The following EYS variants were observed in gnomAD, a reference collection of about 807,000 sequenced individuals.
EYS encodes EGF-like photoreceptor maintenance factor, also known as protein eyes shut homolog.
In EYS, 250 loss-of-function variants were observed where a neutral mutation model predicts 282.1. The ratio of observed to expected loss-of-function variants is 0.89; its 90% CI spans 0.80 to 0.98. The LOEUF is 0.98. Ranked by LOEUF, EYS falls within the 50% of genes least tolerant of loss-of-function variation. The pLI is 0.00. For synonymous variants in EYS, 1,355 were observed against 1,282.9 expected (o/e 1.06, Z -1.20); for missense variants, 4,016 against 3,709.0 (o/e 1.08, Z -2.15).
chr6:65,125,916 C>T (rs182249908), intron 12 of EYS, among the ~76,000 whole-genome samples: 2 of 152,242 alleles, frequency 1.3e-5, no homozygotes, highest in African/African-American at 4.8e-5. Context: ...GTGGCTTTAT[C>T]AGTCTCTACA....
chr6:65,674,636 T>A (rs138011920), intron 1 of EYS, among the ~76,000 whole-genome samples: 3 of 151,962 alleles, frequency 2.0e-5, no homozygotes, highest in Admixed American at 2.0e-4. Flanking sequence ...ATGGAACAAA[T>A]CTGTCCTTCA....
At chr6:65,560,773 G>A (rs1769023425) in intron 2 of EYS, among the ~76,000 whole-genome samples, 1 of 151,962 alleles carries the variant, frequency 6.6e-6, no homozygotes, top group Non-Finnish European at 1.5e-5. Flanking sequence ...ACATTAAAGA[G>A]TATAAAGTGA....
At chr6:64,954,306 A>C (rs564906181) in intron 14 of EYS, among the ~76,000 whole-genome samples, 11 of 152,068 alleles carry the variant, frequency 7.2e-5, no homozygotes, top group Non-Finnish European at 1.5e-4. Context: ...TAGAATAAAG[A>C]AGTTTAGACT....
chr6:65,571,525 T>A (rs142381798), intron 2 of EYS, among the ~76,000 whole-genome samples: 224 of 152,098 alleles, frequency 1.5e-3, no homozygotes, highest in African/African-American at 5.1e-3. Context: ...TTCTATTATA[T>A]CTGCTGTTTC....
Position 64,686,825 on chromosome 6 carries a change from A to ATATATATATACGTGTATATATATATGTG in EYS, c.3444-60581_3444-60580insCACATATATATATACACGTATATATATA, listed in dbSNP as rs1770142029. ...TATATGTGTGTATATATATATGTGT[A>ATATATATATACGTGTATATATATATGTG]TATATATATATACGTGTATATATAT... is the stretch of plus-strand genomic sequence containing the variant. On this transcript the variant is annotated intron_variant, in intron 22 of 42. Coordinates refer to ENST00000503581, the MANE Select transcript of EYS (RefSeq NM_001142800.2). Among the ~76,000 whole-genome samples the ATATATATATACGTGTATATATATATGTG allele has an allele frequency of 2.8e-4, 5 of 17,694 alleles. 1 individual carries two copies. The highest frequency in any genetic ancestry group is 2.3e-3 in the South Asian group (1 of 428). The allele number at this position is 17,694 out of a possible 152,430, so 11.6% of individuals were successfully genotyped here. A position where few individuals can be genotyped will look rare whatever the true frequency, so the allele number is the denominator to read the frequency against.
intron 12 of EYS, among the ~76,000 whole-genome samples, chr6:65,157,151 T>C (rs1764748339): frequency 6.6e-6 from 1 of 150,992 alleles, no homozygotes; most frequent in Non-Finnish European, 1.5e-5. Context: ...TAGCACCTAT[T>C]CTATTGAAAT....
At chr6:64,674,490 C>T (rs1283237493) in intron 22 of EYS, among the ~76,000 whole-genome samples, 2 of 151,906 alleles carry the variant, frequency 1.3e-5, no homozygotes, top group African/African-American at 4.8e-5. Context: ...CAGCTGGCAA[C>T]CCTAAGAGGC....
intron 30 of EYS, among the ~76,000 whole-genome samples, chr6:64,256,913 C>T (rs940176935): frequency 1.3e-5 from 2 of 152,086 alleles, no homozygotes; most frequent in African/African-American, 4.8e-5. Flanking sequence ...TATCTCTCCA[C>T]TGGTAATTCC....
At chr6:64,534,060 T>C (rs969801738) in intron 26 of EYS, among the ~76,000 whole-genome samples, 3 of 151,840 alleles carry the variant, frequency 2.0e-5, no homozygotes, top group Non-Finnish European at 4.4e-5. Context: ...TTTGCTATAA[T>C]GGGAATATTT....
intron 22 of EYS, among the ~76,000 whole-genome samples, chr6:64,724,756 TA>T (rs966590814): frequency 6.6e-6 from 1 of 152,188 alleles, no homozygotes; most frequent in Admixed American, 6.6e-5. Flanking sequence ...TAATAAAGGT[TA>T]AAAAATAGCA....
intron 26 of EYS, among the ~76,000 whole-genome samples, chr6:64,474,277 C>G (rs1776202652): frequency 6.6e-6 from 1 of 152,084 alleles, no homozygotes. Flanking sequence ...CTAAGGCTAG[C>G]ATAAATCTTC....
At chr6:63,933,826 G>T (rs1451882166) in intron 35 of EYS, among the ~76,000 whole-genome samples, 5 of 152,160 alleles carry the variant, frequency 3.3e-5, no homozygotes, top group African/African-American at 1.2e-4. Flanking sequence ...ATATATGAAG[G>T]TTTGAGAGAG....
At chr6:65,506,120 C>T (rs540101760) in intron 2 of EYS, among the ~76,000 whole-genome samples, 2 of 152,038 alleles carry the variant, frequency 1.3e-5, no homozygotes, top group Admixed American at 6.6e-5. Context: ...CCCTGAAGAC[C>T]GCTTTATCTG....
rs758136941 is a variant in EYS, at chr6:64,686,742, AATATAT to A, written c.3444-60503_3444-60498del. On this transcript the variant is annotated intron_variant, in intron 22 of 42. Coordinates refer to ENST00000503581, the MANE Select transcript of EYS (RefSeq NM_001142800.2). The stretch of plus-strand genomic sequence containing the variant: ...GGGCGACAGAGCAAGATTCCATCTA[AATATAT>A]ATATATATATATATGTGTGTATATA... 8.9e-5 allele frequency among the ~76,000 whole-genome samples: 3 copies of A among 33,712 alleles called. 1 individual carries two copies. The East Asian group carries it at 1.4e-3, about 16-fold the overall frequency. 22.1% of individuals were successfully genotyped at this position (33,712 alleles called of 152,430 possible).
At position 65,283,994 on chromosome 6, in the gene EYS, G is replaced by T. The variant is rs186097866; in HGVS notation, c.2023+11869C>A. ...TTAAAATCTTACGTGATCTAAACTCGATTGACTGAATGTTATATACGTTTT... is the reference window on the plus strand; with the variant it reads ...TTAAAATCTTACGTGATCTAAACTCTATTGACTGAATGTTATATACGTTTT... On this transcript the variant is annotated intron_variant, in intron 12 of 42. Coordinates refer to ENST00000503581, the MANE Select transcript of EYS (RefSeq NM_001142800.2). Among the ~76,000 whole-genome samples, 393 of 152,042 alleles carry T rather than the reference G, an allele frequency of 2.6e-3. 4 individuals carry two copies. Among genetic ancestry groups the T allele is most frequent in the Middle Eastern group, 6.8e-3 (2 of 294 alleles).
intron 12 of EYS, among the ~76,000 whole-genome samples, chr6:65,153,363 A>ATGTGTGTG (rs67661407): frequency 6.4e-4 from 87 of 135,858 alleles, no homozygotes; most frequent in African/African-American, 2.0e-3. Flanking sequence ...GAGATCATAA[A>ATGTGTGTG]TGTGTGTGTG....
At chr6:64,558,140 A>G (rs959185381) in intron 26 of EYS, among the ~76,000 whole-genome samples, 1 of 152,138 alleles carries the variant, frequency 6.6e-6, no homozygotes, top group African/African-American at 2.4e-5. Flanking sequence ...AAAATTGTAC[A>G]TTGGTTGAAT....
At chr6:65,228,234 G>GA (rs1214245584) in intron 12 of EYS, among the ~76,000 whole-genome samples, 1 of 151,820 alleles carries the variant, frequency 6.6e-6, no homozygotes, top group Non-Finnish European at 1.5e-5. Context: ...GGAAAATACA[G>GA]AAAAAGCACT....
intron 13 of EYS, among the ~76,000 whole-genome samples, chr6:65,046,210 A>T (rs570758192): frequency 2.6e-5 from 4 of 152,000 alleles, no homozygotes; most frequent in South Asian, 2.1e-4. Flanking sequence ...GAAAAATCAC[A>T]CAAGTTTGAA....
Sources: allele counts gnomAD v4.1 joint callset (sites outside exome capture counted in the v4.1 genomes callset), GRCh38; gene constraint gnomAD v4.1.1; transcripts MANE v1.5; gene names NCBI Gene and HGNC (gene_info 2026-07-23, HGNC 2026-07-21).